The following SSPN variants were observed in gnomAD, a reference collection of about 807,000 sequenced individuals.
SSPN encodes sarcospan.
A neutral mutation model predicts 19.1 loss-of-function variants in SSPN; 15 were observed. The ratio of observed to expected loss-of-function variants is 0.78; its 90% CI spans 0.52 to 1.21. The LOEUF (loss-of-function observed/expected upper bound fraction) is 1.21, where lower values mean the gene tolerates loss of function less well. Among genes scored for constraint, SSPN ranks in the 50% most tolerant of loss-of-function variants. SSPN has a pLI of 0.00. For synonymous variants in SSPN, 147 were observed against 140.3 expected, an observed-to-expected ratio of 1.05 and a Z score of -0.34; for missense variants, 291 against 314.0, an observed-to-expected ratio of 0.93 and a Z score of 0.55.
At chr12:26,192,841 G>GT (rs1944797534), upstream of SSPN, among the ~76,000 whole-genome samples, 1 of 152,194 alleles carries the variant, frequency 6.6e-6, no homozygotes, top group East Asian at 1.9e-4. Flanking sequence ...ATGTACAACT[G>GT]TTTTACAACT....
rs112964234 is a variant in SSPN, at chr12:26,230,902, C to T, written c.558C>T (p.Ser186=). ...FVYRDVTDCT[S]VTGTFKLFLL... ...ACCGGGATGTGACGGACTGTACCAG[C>T]GTCACTGGCACTTTCAAACTGTTCT... Residue 186 remains serine, a synonymous_variant, in exon 3 of 3, where the codon AGC becomes AGT. Transcript: ENST00000242729. 2.3e-5 allele frequency: 37 copies of T among 1,614,164 alleles called. No individual in the cohort carries two copies. The highest frequency in any genetic ancestry group is 2.3e-4 in the African/African-American group (17 of 75,042).
Position 26,162,930 on chromosome 12 carries a change from T to A in SSPN, c.-31+40778T>A, listed in dbSNP as rs145845050. On this transcript the variant is annotated intron_variant, in intron 1 of 2. Coordinates refer to the SSPN transcript ENST00000538142. ...TAGAGTAATACCCAAATTAAGTTGA[T>A]GAATTGGTAGAAGGATGTTTAACTA... 2.6e-5 allele frequency among the ~76,000 whole-genome samples: 4 copies of A among 152,180 alleles called. No individual in the cohort carries two copies. In the East Asian group the frequency reaches 7.7e-4, roughly 29 times the overall value.
At chr12:26,227,362 G>A (rs1591898263) in intron 2 of SSPN, among the ~76,000 whole-genome samples, 1 of 152,132 alleles carries the variant, frequency 6.6e-6, no homozygotes, top group African/African-American at 2.4e-5. Flanking sequence ...CGGAGTGGGA[G>A]AAGCCGAGTC....
At chr12:26,192,918 T>G (rs1430131357), upstream of SSPN, among the ~76,000 whole-genome samples, 1 of 152,232 alleles carries the variant, frequency 6.6e-6, no homozygotes, top group African/African-American at 2.4e-5. Flanking sequence ...GTTTGACTAT[T>G]TAAACTTACA....
At chr12:26,206,321 T>G (rs1944931115) in intron 1 of SSPN, among the ~76,000 whole-genome samples, 1 of 152,176 alleles carries the variant, frequency 6.6e-6, no homozygotes, top group South Asian at 2.1e-4. Flanking sequence ...TCATACTGTT[T>G]TTCATAAAGT....
At chr12:26,157,274 T>C (rs1944561541) in intron 1 of SSPN, among the ~76,000 whole-genome samples, 1 of 152,260 alleles carries the variant, frequency 6.6e-6, no homozygotes, top group Non-Finnish European at 1.5e-5. Flanking sequence ...CAAGTTCTTT[T>C]GTTTGCAACT....
Position 26,144,479 on chromosome 12 carries a change from A to AG in SSPN, c.-31+22329dup, listed in dbSNP as rs532142600. On this transcript the variant is annotated intron_variant, in intron 1 of 2. Coordinates refer to the SSPN transcript ENST00000538142. ...TTCTTTCCTGCTTATCAACAAGGTAAGGCGTGGTTTTCATTCCCCCTGGCA... is the reference window on the plus strand; with the variant it reads ...TTCTTTCCTGCTTATCAACAAGGTAAGGGCGTGGTTTTCATTCCCCCTGGCA... 1.7e-3 allele frequency among the ~76,000 whole-genome samples: 263 copies of AG among 152,306 alleles called. 3 individuals carry two copies. Among genetic ancestry groups the AG allele is most frequent in the Non-Finnish European group, 2.0e-3 (139 of 68,024 alleles).
intron 1 of SSPN, among the ~76,000 whole-genome samples, chr12:26,141,148 A>C (rs1290614329): frequency 6.6e-6 from 1 of 152,340 alleles, no homozygotes; most frequent in South Asian, 2.1e-4. Flanking sequence ...GAGATTATCC[A>C]GGATTATCCA....
chr12:26,208,015 TGGTGG>T (rs1205716611), intron 1 of SSPN, among the ~76,000 whole-genome samples: 2 of 89,530 alleles, frequency 2.2e-5, no homozygotes, highest in African/African-American at 8.3e-5. Context: ...AAAGTGGTGG[TGGTGG>T]GGGGGGGGGA....
intron 1 of SSPN, among the ~76,000 whole-genome samples, chr12:26,152,911 A>G (rs1383721065): frequency 1.3e-5 from 2 of 152,092 alleles, no homozygotes; most frequent in African/African-American, 4.8e-5. Context: ...ACTTCATTCC[A>G]GCCATGCTGG....
intron 1 of SSPN, among the ~76,000 whole-genome samples, chr12:26,202,962 T>A (rs1340795072): frequency 4.6e-5 from 7 of 152,150 alleles, no homozygotes; most frequent in Non-Finnish European, 8.8e-5. Flanking sequence ...AAACTTACAA[T>A]CATGGCAGAA....
chr12:26,195,643 A>AAGCCCCC lies in SSPN; in HGVS notation c.-30_-29insAGCCCCC. On this transcript the variant is annotated 5_prime_UTR_variant, in exon 1 of 3. Transcript: ENST00000242729. Reference sequence around the variant, plus strand: ...CCAGGGCCCAGGGCGCCGCACACGCACCCACCCACCCACCCAGCCTCGCAG... The same window carrying AAGCCCCC: ...CCAGGGCCCAGGGCGCCGCACACGCAAGCCCCCCCCACCCACCCACCCAGCCTCGCAG... 4.1e-6 allele frequency: 1 copy of AAGCCCCC among 242,024 alleles called. No individual in the cohort carries two copies. The highest frequency in any genetic ancestry group is 6.4e-5 in the South Asian group (1 of 15,712). The allele number at this position is 242,024 out of a possible 1,614,324, so 15.0% of individuals were successfully genotyped here.
chr12:26,225,247 AG>A (rs1482110599), intron 2 of SSPN, among the ~76,000 whole-genome samples: 1 of 59,928 alleles, frequency 1.7e-5, no homozygotes, highest in African/African-American at 6.4e-5. Flanking sequence ...ATTATTTGAA[AG>A]TTACTAAGGT....
At chr12:26,203,062 A>T (rs1006503138) in intron 1 of SSPN, among the ~76,000 whole-genome samples, 2 of 152,122 alleles carry the variant, frequency 1.3e-5, no homozygotes, top group Non-Finnish European at 2.9e-5. Context: ...ATCTCATGAG[A>T]ACTCACTATC....
At chr12:26,227,060 G>C (rs1247868072) in intron 2 of SSPN, among the ~76,000 whole-genome samples, 1 of 152,064 alleles carries the variant, frequency 6.6e-6, no homozygotes, top group African/African-American at 2.4e-5. Context: ...TGCCTCCCGC[G>C]CCGGGCTTTT....
At chr12:26,136,814 C>T (rs1944428358) in intron 1 of SSPN, among the ~76,000 whole-genome samples, 1 of 152,198 alleles carries the variant, frequency 6.6e-6, no homozygotes, top group African/African-American at 2.4e-5. Flanking sequence ...GTACTGGTCA[C>T]AACCTTATCC....
At chr12:26,126,867 T>G (rs1002383770) in intron 1 of SSPN, among the ~76,000 whole-genome samples, 1 of 152,246 alleles carries the variant, frequency 6.6e-6, no homozygotes, top group Non-Finnish European at 1.5e-5. Context: ...TTAATCACGA[T>G]GGTTCTTAAT....
chr12:26,161,746 T>C (rs972948416), intron 1 of SSPN, among the ~76,000 whole-genome samples: 4 of 152,162 alleles, frequency 2.6e-5, no homozygotes, highest in Non-Finnish European at 5.9e-5. Flanking sequence ...GGGATGGTTT[T>C]GGGATGAAAC....
At chr12:26,150,011 C>T (rs573433122) in intron 1 of SSPN, among the ~76,000 whole-genome samples, 1 of 152,276 alleles carries the variant, frequency 6.6e-6, no homozygotes, top group East Asian at 1.9e-4. Context: ...TAGGAAGAAA[C>T]ATGGGCACAT....
Sources: gnomAD v4.1 joint callset for allele counts (sites outside exome capture counted in the v4.1 genomes callset) on GRCh38, gnomAD v4.1.1 for gene constraint, MANE v1.5 for transcripts, NCBI Gene and HGNC (gene_info 2026-07-23, HGNC 2026-07-21) for gene names.